RNASEH2B: variants seen among roughly 807,000 people sequenced by gnomAD.
RNASEH2B encodes ribonuclease H2 subunit B, also known as Aicardi-Goutieres syndrome 2 protein.
In RNASEH2B, 36 loss-of-function variants were observed where a neutral mutation model predicts 45.0. The ratio of observed to expected loss-of-function variants is 0.80; its 90% CI spans 0.61 to 1.06. RNASEH2B has a LOEUF of 1.06. RNASEH2B is among the 50% of genes least tolerant of loss of function. The pLI, the probability that RNASEH2B is intolerant of heterozygous loss-of-function variation, is 0.00. For missense variants in RNASEH2B, 361 were observed against 360.3 expected (o/e 1.00, Z -0.02); for synonymous variants, 119 against 125.7 (o/e 0.95, Z 0.35).
In RNASEH2B at chr13:50,930,716, C is replaced by T; in HGVS notation, c.278C>T (p.Pro93Leu). The T allele has an allele frequency of 6.2e-7, 1 of 1,613,880 alleles. No individual in the cohort carries two copies. The highest frequency in any genetic ancestry group is 8.5e-7 in the Non-Finnish European group (1 of 1,179,814). The change falls in exon 4 of 11, where the codon CCT becomes CTT. Residue 93 changes from proline to leucine, a missense_variant. Physicochemically the swap from Pro to Leu is moderately conservative, Grantham distance 98. Coordinates refer to ENST00000336617, the MANE Select transcript of RNASEH2B (RefSeq NM_024570.4). ...CTCCATTTTGCCACACCTGTGGATCCTCTATTTCTGCTTCTCCACTACCTC... is the reference window on the plus strand; with the variant it reads ...CTCCATTTTGCCACACCTGTGGATCTTCTATTTCTGCTTCTCCACTACCTC... ...GLLHFATPVD[P>L]LFLLLHYLIK... is the part of the protein sequence containing the mutation.
chr13:50,927,364 C>A, intron 1 of RNASEH2B, 43 bp from the exon 2 acceptor site: 1 of 1,187,656 alleles, frequency 8.4e-7, no homozygotes, highest in Non-Finnish European at 1.3e-6. Context: ...AGCAACAAAA[C>A]AGCTGTGTGT....
intron 9 of RNASEH2B, among the ~76,000 whole-genome samples, chr13:50,966,913 T>C (rs954769928): frequency 3.9e-5 from 6 of 152,020 alleles, no homozygotes; most frequent in Admixed American, 2.6e-4. Flanking sequence ...ATAAATAAAG[T>C]GAAAAAAGGA....
At chr13:50,935,738 A>T (rs1326391273) in intron 5 of RNASEH2B, 1 of 152,988 alleles carries the variant, frequency 6.5e-6, no homozygotes, top group Non-Finnish European at 1.5e-5. Flanking sequence ...CTGGGGAAGG[A>T]TGTAGGTTGG....
At chr13:50,948,296 G>C (rs929305102) in intron 8 of RNASEH2B, 2 of 600,700 alleles carry the variant, frequency 3.3e-6, no homozygotes, top group African/African-American at 1.9e-5. Context: ...TGGAATTATG[G>C]CTTGGTCTGA....
intron 1 of RNASEH2B, among the ~76,000 whole-genome samples, chr13:50,924,427 AATT>A (rs1401883584): frequency 1.3e-5 from 2 of 152,246 alleles, no homozygotes; most frequent in Admixed American, 6.5e-5. Flanking sequence ...TTATGATAAA[AATT>A]ATTACTAGAC....
downstream of RNASEH2B, among the ~76,000 whole-genome samples, chr13:50,956,923 C>T (rs1185898891): frequency 4.9e-5 from 7 of 143,470 alleles, no homozygotes; most frequent in Non-Finnish European, 9.0e-5. Context: ...TTTTTTGACA[C>T]GGAGTCTCGC....
At chr13:50,945,104 G>T (rs1208027107) in intron 6 of RNASEH2B, among the ~76,000 whole-genome samples, 1 of 152,114 alleles carries the variant, frequency 6.6e-6, no homozygotes, top group Non-Finnish European at 1.5e-5. Flanking sequence ...GCCACAGAAA[G>T]GTTAAGTAAC....
chr13:50,954,039 A>G (rs1461984327), intron 10 of RNASEH2B, 54 bp downstream of exon 10: 4 of 1,057,200 alleles, frequency 3.8e-6, no homozygotes, highest in Non-Finnish European at 5.9e-6. Context: ...CGTGATGTGC[A>G]TGAATACATG....
At chr13:50,919,019 G>C (rs954701424) in intron 1 of RNASEH2B, among the ~76,000 whole-genome samples, 9 of 152,152 alleles carry the variant, frequency 5.9e-5, no homozygotes, top group African/African-American at 1.7e-4. Flanking sequence ...GTAACAGTGG[G>C]TGTATGTTTC....
intron 1 of RNASEH2B, among the ~76,000 whole-genome samples, chr13:50,919,883 A>G (rs1264097029): frequency 6.6e-6 from 1 of 152,226 alleles, no homozygotes; most frequent in African/African-American, 2.4e-5. Flanking sequence ...AATGGCCAAT[A>G]CATATTAGCT....
chr13:50,918,487 G>A (rs1951476922), intron 1 of RNASEH2B, among the ~76,000 whole-genome samples: 1 of 152,196 alleles, frequency 6.6e-6, no homozygotes, highest in Admixed American at 6.6e-5. Context: ...TACACTTAGA[G>A]GAATCTATTA....
chr13:50,969,522 CAAAAAAAA>C (rs3042194), intron 9 of RNASEH2B, among the ~76,000 whole-genome samples: 15 of 100,578 alleles, frequency 1.5e-4, no homozygotes, highest in African/African-American at 4.6e-4. Context: ...ACTGCCTCTA[CAAAAAAAA>C]AAAAAAAAGA....
At chr13:50,921,363 C>T (rs1951522390) in intron 1 of RNASEH2B, 1 of 152,204 alleles carries the variant, frequency 6.6e-6, no homozygotes, top group African/African-American at 2.4e-5. Context: ...CTTCCTCACA[C>T]TCCCTCTTTC....
At chr13:50,938,082 A>G (rs1951781671) in intron 5 of RNASEH2B, 2 of 152,260 alleles carry the variant, frequency 1.3e-5, no homozygotes, top group African/African-American at 4.8e-5. Flanking sequence ...GCAAAGTTTC[A>G]GGATACAAGT....
intron 1 of RNASEH2B, among the ~76,000 whole-genome samples, chr13:50,913,950 A>G (rs1430290242): frequency 6.6e-6 from 1 of 152,204 alleles, no homozygotes; most frequent in Non-Finnish European, 1.5e-5. Flanking sequence ...TAATTAAAGG[A>G]TTTAAAAAAT....
At chr13:50,938,230 T>G (rs574263716) in intron 5 of RNASEH2B, 8 of 152,264 alleles carry the variant, frequency 5.3e-5, no homozygotes, top group African/African-American at 1.4e-4. Flanking sequence ...AAGACCAATA[T>G]GCTGAACATT....
At chr13:50,918,626 A>G (rs1267211979) in intron 1 of RNASEH2B, among the ~76,000 whole-genome samples, 1 of 152,164 alleles carries the variant, frequency 6.6e-6, no homozygotes, top group Non-Finnish European at 1.5e-5. Flanking sequence ...CAGCAGTGCT[A>G]ATGTTTTGGG....
downstream of RNASEH2B, among the ~76,000 whole-genome samples, chr13:50,957,245 T>TCCCACTCTTCCTCC (rs1247747713): frequency 6.6e-6 from 1 of 152,174 alleles, no homozygotes; most frequent in Non-Finnish European, 1.5e-5. Context: ...AGCCTTGCTC[T>TCCCACTCTTCCTCC]CCCACTCTTC....
chr13:50,929,349 G>T, intron 2 of RNASEH2B, 126 bp from the exon 3 acceptor site: 1 of 698,624 alleles, frequency 1.4e-6, no homozygotes. Context: ...TTTTAGAATA[G>T]ACCTGTGTAT....
Sources: gnomAD v4.1 joint callset for allele counts (sites outside exome capture counted in the v4.1 genomes callset) on GRCh38, gnomAD v4.1.1 for gene constraint, MANE v1.5 for transcripts, NCBI Gene and HGNC (gene_info 2026-07-23, HGNC 2026-07-21) for gene names.